Variants in RALGPS1 observed in about 807,000 individuals in gnomAD.
RALGPS1 encodes Ral GEF with PH domain and SH3 binding motif 1.
A neutral mutation model predicts 78.8 loss-of-function variants in RALGPS1; 19 were observed. The ratio of observed to expected loss-of-function variants is 0.24; its 90% confidence interval spans 0.17 to 0.35. The LOEUF (loss-of-function observed/expected upper bound fraction) is 0.35. RALGPS1 is among the 10% of genes least tolerant of loss of function. RALGPS1 has a pLI of 1.00. For synonymous variants in RALGPS1, 228 were observed against 256.3 expected, an observed-to-expected ratio of 0.89 and a Z score of 1.06; for missense variants, 454 against 688.3, an observed-to-expected ratio of 0.66 and a Z score of 3.81.
At chr9:126,920,469 G>A (rs1442566720) in intron 1 of RALGPS1, among the ~76,000 whole-genome samples, 1 of 152,184 alleles carries the variant, frequency 6.6e-6, no homozygotes, top group Non-Finnish European at 1.5e-5. Flanking sequence ...GGAATGAGCT[G>A]CTCATGCTTG....
At chr9:127,049,994 C>T in intron 5 of RALGPS1, 49 bp from the exon 6 acceptor site, 1 of 1,411,690 alleles carries the variant, frequency 7.1e-7, no homozygotes, top group Non-Finnish European at 1.0e-6. Context: ...CAGCAATTAA[C>T]AACTTTTCTG....
intron 1 of RALGPS1, among the ~76,000 whole-genome samples, chr9:126,936,788 G>A (rs1264780080): frequency 6.6e-6 from 1 of 151,938 alleles, no homozygotes; most frequent in Non-Finnish European, 1.5e-5. Context: ...CCAAGGACAA[G>A]GGAAGTGGAG....
chr9:127,171,604 C>T (rs1213953187), intron 10 of RALGPS1, among the ~76,000 whole-genome samples: 1 of 152,130 alleles, frequency 6.6e-6, no homozygotes, highest in Admixed American at 6.5e-5. Context: ...ACTAAAAATA[C>T]AAAAATTAGT....
chr9:127,154,601 T>C (rs1376318055), intron 8 of RALGPS1, among the ~76,000 whole-genome samples: 1 of 152,256 alleles, frequency 6.6e-6, no homozygotes, highest in Non-Finnish European at 1.5e-5. Flanking sequence ...AATCTGTTGC[T>C]TGTTTTCCAG....
intron 11 of RALGPS1, chr9:127,178,340 A>T: frequency 1.8e-6 from 1 of 564,816 alleles, no homozygotes; most frequent in Non-Finnish European, 2.5e-6. Context: ...CAAAAAATGC[A>T]GCTGAATTGT....
chr9:127,024,036 C>CAAAAAAAA (rs61549879), intron 4 of RALGPS1, among the ~76,000 whole-genome samples: 1,638 of 71,200 alleles, frequency 0.023, 273 homozygotes, highest in African/African-American at 0.066. Flanking sequence ...GACTCTGTCT[C>CAAAAAAAA]AAAAAAAAAA....
intron 11 of RALGPS1, among the ~76,000 whole-genome samples, chr9:127,181,352 G>C (rs2060207088): frequency 6.6e-6 from 1 of 152,246 alleles, no homozygotes; most frequent in Admixed American, 6.5e-5. Flanking sequence ...CCCTGACACA[G>C]ACACTGTGAG....
rs34467855 is a variant in RALGPS1 at position 127,109,630 on chromosome 9, A to G, written c.610+40274A>G. ...GTGTCTCCAGATTTGCTTCACTTCT[A>G]TTCTTGGACCATTCATCCTTTCACC... On this transcript the variant is annotated intron_variant, in intron 8 of 18. Transcript: ENST00000259351. Among the ~76,000 whole-genome samples, 739 of 152,388 alleles carry G rather than the reference A, an allele frequency of 4.8e-3. 2 individuals are homozygous for G. Among genetic ancestry groups the G allele is most frequent in the Non-Finnish European group, 7.6e-3 (520 of 68,050 alleles).
chr9:127,184,319 C>CG, intron 11 of RALGPS1: 1 of 239,618 alleles, frequency 4.2e-6, no homozygotes, highest in Non-Finnish European at 8.1e-6. Context: ...GACCTTGTCT[C>CG]AGGAAAAAAA....
chr9:127,203,758 C>G lies in RALGPS1; in HGVS notation c.1247+4692C>G, dbSNP rs73668496. Among the ~76,000 whole-genome samples, 176 of 152,324 alleles carry G rather than the reference C, an allele frequency of 1.2e-3. 2 individuals carry two copies. Among genetic ancestry groups the G allele is most frequent in the African/African-American group, 4.1e-3 (169 of 41,558 alleles). On this transcript the variant is annotated intron_variant, in intron 14 of 18. Coordinates refer to ENST00000259351, the MANE Select transcript of RALGPS1 (RefSeq NM_014636.3). ...CAACAGGGCGACCTGCATGAGGCAC[C>G]AGGCTCAGAGGTGGCTTCTGGAGGA...
intron 8 of RALGPS1, among the ~76,000 whole-genome samples, chr9:127,111,313 A>G (rs918888604): frequency 3.3e-5 from 5 of 152,166 alleles, no homozygotes; most frequent in African/African-American, 1.2e-4. Context: ...TTCCCCCTCC[A>G]GTGTCCTTAT....
At chr9:127,101,265 G>T (rs1293206247) in intron 8 of RALGPS1, among the ~76,000 whole-genome samples, 1 of 152,216 alleles carries the variant, frequency 6.6e-6, no homozygotes, top group Non-Finnish European at 1.5e-5. Context: ...CCCTGCACCT[G>T]TGAGAAAGCC....
Position 127,222,940 on chromosome 9 carries a change from A to T in RALGPS1, c.*4171A>T, listed in dbSNP as rs1385474343. On this transcript the variant is annotated 3_prime_UTR_variant, in exon 19 of 19. Transcript: ENST00000259351. ...GACCCCTGCATGCAGTTGTGTAAGG[A>T]CTTTCTCTAATTCTTGTGAATCGTC... 1 of 152,594 alleles carries T rather than the reference A, an allele frequency of 6.6e-6. No individual in the cohort carries two copies. The highest frequency in any genetic ancestry group is 2.4e-5 in the African/African-American group (1 of 41,448). The allele number at this position is 152,594 out of a possible 1,614,324, so 9.5% of individuals were successfully genotyped here.
chr9:126,990,144 G>GCC, intron 4 of RALGPS1: 1 of 934,424 alleles, frequency 1.1e-6, no homozygotes, highest in Non-Finnish European at 1.6e-6. Context: ...CTCGGAGAGG[G>GCC]AAGAATGTGG....
intron 1 of RALGPS1, among the ~76,000 whole-genome samples, chr9:126,925,954 C>T (rs1378799940): frequency 6.6e-6 from 1 of 152,178 alleles, no homozygotes; most frequent in Admixed American, 6.5e-5. Context: ...ATGGCTAAAG[C>T]ACTGAGAGCA....
chr9:127,077,246 G>A (rs577333750), intron 8 of RALGPS1, among the ~76,000 whole-genome samples: 1 of 152,326 alleles, frequency 6.6e-6, no homozygotes, highest in East Asian at 1.9e-4. Context: ...AGGGGATCCT[G>A]TAGAAGCCTG....
intron 1 of RALGPS1, among the ~76,000 whole-genome samples, chr9:126,954,632 C>G (rs2038175018): frequency 6.6e-6 from 1 of 152,094 alleles, no homozygotes; most frequent in Non-Finnish European, 1.5e-5. Flanking sequence ...ACTAAAAATA[C>G]AAAAATTAGC....
intron 8 of RALGPS1, among the ~76,000 whole-genome samples, chr9:127,127,213 C>G (rs1240458175): frequency 1.3e-5 from 2 of 152,224 alleles, no homozygotes; most frequent in Non-Finnish European, 2.9e-5. Flanking sequence ...CTGCTGCTTT[C>G]TGTTTCAGAT....
chr9:126,931,098 C>T (rs2035748956), intron 1 of RALGPS1, among the ~76,000 whole-genome samples: 1 of 152,234 alleles, frequency 6.6e-6, no homozygotes, highest in African/African-American at 2.4e-5. Context: ...TCCAAAGTCA[C>T]TTCATGGCCT....
Sources: allele counts gnomAD v4.1 joint callset (sites outside exome capture counted in the v4.1 genomes callset), GRCh38; gene constraint gnomAD v4.1.1; transcripts MANE v1.5; gene names NCBI Gene and HGNC (gene_info 2026-07-23, HGNC 2026-07-21).